The following CCDC91 variants were observed in gnomAD, a reference collection of about 807,000 sequenced individuals.
CCDC91 encodes the protein coiled-coil domain-containing protein 91.
Under a neutral mutation model 63.2 loss-of-function variants are expected in CCDC91, and 48 were observed. That is an observed-to-expected ratio of 0.76 (90% CI 0.60 to 0.97). The LOEUF is 0.97. CCDC91 is among the 50% of genes least tolerant of loss of function. CCDC91 has a pLI of 0.00. For missense variants in CCDC91, 500 were observed against 494.6 expected (o/e 1.01, Z -0.10); for synonymous variants, 167 against 165.8 (o/e 1.01, Z -0.06).
At chr12:28,490,720 T>C (rs1951953727) in intron 12 of CCDC91, among the ~76,000 whole-genome samples, 1 of 151,896 alleles carries the variant, frequency 6.6e-6, no homozygotes, top group South Asian at 2.1e-4. Context: ...ATTCACTATT[T>C]CTCTATCTTA....
intron 12 of CCDC91, among the ~76,000 whole-genome samples, chr12:28,545,017 A>G (rs1263446607): frequency 6.6e-6 from 1 of 152,052 alleles, no homozygotes; most frequent in African/African-American, 2.4e-5. Flanking sequence ...TATTTCAGAA[A>G]CTTCAGAATT....
At chr12:28,331,688 C>T (rs1324680638) in intron 6 of CCDC91, among the ~76,000 whole-genome samples, 1 of 152,110 alleles carries the variant, frequency 6.6e-6, no homozygotes, top group Non-Finnish European at 1.5e-5. Context: ...ATTTAGTAAG[C>T]ATATAGTAAG....
chr12:28,213,091 C>A (rs758718913), intron 1 of CCDC91, among the ~76,000 whole-genome samples: 5 of 152,172 alleles, frequency 3.3e-5, no homozygotes, highest in Non-Finnish European at 7.4e-5. Flanking sequence ...GATGAGTCTT[C>A]TTTGCCAGTT....
chr12:28,269,134 T>A (rs1296469664), intron 3 of CCDC91, among the ~76,000 whole-genome samples: 2 of 152,144 alleles, frequency 1.3e-5, no homozygotes, highest in Non-Finnish European at 2.9e-5. Flanking sequence ...TAATGTGTAT[T>A]TTAAATGAAC....
intron 3 of CCDC91, among the ~76,000 whole-genome samples, chr12:28,274,824 C>T (rs900569415): frequency 6.6e-6 from 1 of 151,876 alleles, no homozygotes; most frequent in Admixed American, 6.6e-5. Flanking sequence ...CTAATTGAAT[C>T]CCCTTTATTT....
At chr12:28,525,211 T>A (rs564328463) in intron 12 of CCDC91, among the ~76,000 whole-genome samples, 1 of 152,104 alleles carries the variant, frequency 6.6e-6, no homozygotes, top group Non-Finnish European at 1.5e-5. Context: ...TTTGTGCTCT[T>A]TCAGACTCTT....
intron 3 of CCDC91, among the ~76,000 whole-genome samples, chr12:28,297,905 A>G (rs549806842): frequency 6.6e-6 from 1 of 151,964 alleles, no homozygotes; most frequent in Non-Finnish European, 1.5e-5. Flanking sequence ...CATGTATACC[A>G]TCGTTACTAT....
intron 7 of CCDC91, among the ~76,000 whole-genome samples, chr12:28,382,889 C>G (rs755500138): frequency 7.9e-5 from 12 of 151,576 alleles, no homozygotes; most frequent in Non-Finnish European, 1.5e-4. Flanking sequence ...TTTTTTTAAA[C>G]TGAAACTGTA....
chr12:28,539,876 C>T (rs1405002715), intron 12 of CCDC91, among the ~76,000 whole-genome samples: 3 of 152,060 alleles, frequency 2.0e-5, no homozygotes, highest in African/African-American at 4.8e-5. Context: ...TGATTCATCA[C>T]TGTAAAATCC....
intron 12 of CCDC91, among the ~76,000 whole-genome samples, chr12:28,505,874 G>C (rs1368145033): frequency 6.6e-6 from 1 of 151,958 alleles, no homozygotes; most frequent in East Asian, 1.9e-4. Context: ...TGCTCCAACG[G>C]AGAGCAAACA....
intron 6 of CCDC91, among the ~76,000 whole-genome samples, chr12:28,325,943 T>G (rs573553502): frequency 9.2e-5 from 14 of 152,262 alleles, no homozygotes; most frequent in African/African-American, 3.1e-4. Context: ...TAAGGAACTA[T>G]AGGAAATAAA....
chr12:28,398,130 T>A (rs774819795), intron 8 of CCDC91, among the ~76,000 whole-genome samples: 3 of 152,176 alleles, frequency 2.0e-5, no homozygotes, highest in Non-Finnish European at 4.4e-5. Flanking sequence ...ACAATCAAGA[T>A]ATAGAACATT....
At position 28,452,641 on chromosome 12, in the gene CCDC91, GAA is replaced by G; in HGVS notation, c.1092_1093del (p.Lys364AsnfsTer7). 1 of 1,524,534 alleles carries G rather than the reference GAA, an allele frequency of 6.6e-7. No individual in the cohort carries two copies. The highest frequency in any genetic ancestry group is 8.8e-7 in the Non-Finnish European group (1 of 1,132,162). 94.4% of individuals were successfully genotyped at this position (1,524,534 alleles called of 1,614,324 possible). A position where few individuals can be genotyped will look rare whatever the true frequency, so the allele number is the denominator to read the frequency against. On this transcript the variant is annotated frameshift_variant, in exon 11 of 13. Coordinates refer to ENST00000536442, the MANE Select transcript of CCDC91 (RefSeq NM_018318.5). LOFTEE classifies it high-confidence loss of function. ...ATTCAAAAAGCTATACAAGAACAAA[GAA>G]AAATAAGTCAGGTTAGTAATATTAA...
chr12:28,350,454 T>C (rs1943106484), intron 6 of CCDC91, among the ~76,000 whole-genome samples: 1 of 152,222 alleles, frequency 6.6e-6, no homozygotes, highest in Non-Finnish European at 1.5e-5. Flanking sequence ...AGAAATATCT[T>C]ATTGTATTAA....
chr12:28,249,074 G>A (rs1418821760), intron 1 of CCDC91, among the ~76,000 whole-genome samples: 4 of 152,300 alleles, frequency 2.6e-5, no homozygotes, highest in Admixed American at 2.6e-4. Context: ...TTGTTAAGCA[G>A]GAGGCCAGGC....
At chr12:28,356,008 G>A (rs1943499408) in intron 6 of CCDC91, among the ~76,000 whole-genome samples, 1 of 152,076 alleles carries the variant, frequency 6.6e-6, no homozygotes, top group African/African-American at 2.4e-5. Flanking sequence ...CTTTTAGACT[G>A]ATTCTTATCA....
intron 1 of CCDC91, among the ~76,000 whole-genome samples, chr12:28,220,862 A>G (rs1317854395): frequency 1.3e-5 from 2 of 152,034 alleles, no homozygotes; most frequent in African/African-American, 2.4e-5. Context: ...CCTAAATACA[A>G]ATATTCTCTT....
chr12:28,236,593 GT>G (rs1205415189), intron 1 of CCDC91: 34 of 151,962 alleles, frequency 2.2e-4, no homozygotes, highest in Non-Finnish European at 1.2e-4. Context: ...ATTATATAGA[GT>G]GATGCGTAGT....
intron 6 of CCDC91, among the ~76,000 whole-genome samples, chr12:28,331,452 G>C (rs752683691): frequency 3.9e-5 from 6 of 152,186 alleles, no homozygotes; most frequent in Non-Finnish European, 5.9e-5. Context: ...TGATGGGGTA[G>C]TTTTGCCTTA....
Sources: allele counts gnomAD v4.1 joint callset (sites outside exome capture counted in the v4.1 genomes callset), GRCh38; gene constraint gnomAD v4.1.1; transcripts MANE v1.5; gene names NCBI Gene and HGNC (gene_info 2026-07-23, HGNC 2026-07-21).